Variants in UNC13B observed in about 807,000 individuals in gnomAD.
UNC13B encodes unc-13 homolog B, also known as protein unc-13 homolog B.
In UNC13B, 144 loss-of-function variants were observed where a neutral mutation model predicts 211.0. The ratio of observed to expected loss-of-function variants is 0.68; its 90% confidence interval spans 0.60 to 0.78. The LOEUF is 0.78. UNC13B is among the 30% of genes least tolerant of loss of function. The pLI is 0.00. For missense variants in UNC13B, 1,777 were observed against 2,002.0 expected (o/e 0.89, Z 2.14); for synonymous variants, 709 against 725.8 (o/e 0.98, Z 0.37).
chr9:35,178,885 C>CAAAA (rs35487632), intron 1 of UNC13B, among the ~76,000 whole-genome samples: 9 of 61,118 alleles, frequency 1.5e-4, no homozygotes, highest in African/African-American at 2.6e-4. Flanking sequence ...GAGACAGCCT[C>CAAAA]AAAAAAAAAA....
intron 17 of UNC13B, among the ~76,000 whole-genome samples, chr9:35,379,216 G>A (rs1331599505): frequency 6.6e-6 from 1 of 152,188 alleles, no homozygotes; most frequent in African/African-American, 2.4e-5. Flanking sequence ...GGGAGGCTGA[G>A]GCAGGCAGAT....
At chr9:35,191,982 T>G (rs1822685076) in intron 1 of UNC13B, among the ~76,000 whole-genome samples, 1 of 152,234 alleles carries the variant, frequency 6.6e-6, no homozygotes, top group Non-Finnish European at 1.5e-5. Flanking sequence ...TTTTCATTAA[T>G]TAAAACTTAA....
chr9:35,315,055 T>A (rs1927953), intron 11 of UNC13B, among the ~76,000 whole-genome samples: 32,713 of 116,846 alleles, frequency 0.28, 3,786 homozygotes, highest in East Asian at 0.39. Context: ...TTAAAAAAAA[T>A]TTTTTTTTTT....
At chr9:35,278,059 A>C (rs1828278623) in intron 7 of UNC13B, among the ~76,000 whole-genome samples, 1 of 152,184 alleles carries the variant, frequency 6.6e-6, no homozygotes, top group African/African-American at 2.4e-5. Context: ...CAGTAGTATA[A>C]ATGAAAAGAA....
intron 7 of UNC13B, among the ~76,000 whole-genome samples, chr9:35,280,593 G>T (rs1206982588): frequency 6.6e-6 from 1 of 152,150 alleles, no homozygotes; most frequent in Non-Finnish European, 1.5e-5. Flanking sequence ...GTAAGGGTGG[G>T]TGATGAGTTT....
intron 1 of UNC13B, among the ~76,000 whole-genome samples, chr9:35,226,067 C>T (rs556628384): frequency 2.0e-5 from 3 of 152,248 alleles, no homozygotes; most frequent in East Asian, 1.9e-4. Flanking sequence ...GAGAACTGTC[C>T]TGCATACTGT....
chr9:35,176,346 G>T (rs1458784371), intron 1 of UNC13B, among the ~76,000 whole-genome samples: 1 of 151,892 alleles, frequency 6.6e-6, no homozygotes. Flanking sequence ...TCAGGAGTTT[G>T]AGACCAGCCT....
intron 1 of UNC13B, among the ~76,000 whole-genome samples, chr9:35,207,612 G>C (rs1823738294): frequency 1.3e-5 from 2 of 151,898 alleles, no homozygotes; most frequent in Admixed American, 1.3e-4. Flanking sequence ...TGGGCTTACA[G>C]GTGTAAGCCA....
intron 2 of UNC13B, among the ~76,000 whole-genome samples, chr9:35,229,223 G>T (rs1490980606): frequency 6.6e-6 from 1 of 152,176 alleles, no homozygotes; most frequent in Non-Finnish European, 1.5e-5. Flanking sequence ...GGAGGGAGGG[G>T]AGCTGGAGGG....
intron 39 of UNC13B, 58 bp from the exon 40 acceptor site, chr9:35,403,690 G>T: frequency 1.2e-6 from 2 of 1,604,888 alleles, no homozygotes; most frequent in East Asian, 4.5e-5. Context: ...TGGCAGACTG[G>T]GGTGAAATCA....
chr9:35,265,914 C>G (rs1213094934), intron 7 of UNC13B, among the ~76,000 whole-genome samples: 1 of 152,204 alleles, frequency 6.6e-6, no homozygotes, highest in African/African-American at 2.4e-5. Context: ...CAACCTCCGT[C>G]TCCCTGGTTC....
chr9:35,246,149 C>T (rs1826085500), intron 6 of UNC13B, among the ~76,000 whole-genome samples: 1 of 151,456 alleles, frequency 6.6e-6, no homozygotes, highest in African/African-American at 2.4e-5. Context: ...TAAATGTCTT[C>T]TTTTGAGAAG....
chr9:35,361,122 T>C (rs1007232321), intron 11 of UNC13B: 3 of 152,200 alleles, frequency 2.0e-5, no homozygotes, highest in African/African-American at 7.2e-5. Context: ...ATAATGGAGT[T>C]AAGATTGTAT....
intron 7 of UNC13B, among the ~76,000 whole-genome samples, chr9:35,275,911 A>G (rs1384041717): frequency 6.6e-6 from 1 of 152,112 alleles, no homozygotes; most frequent in Non-Finnish European, 1.5e-5. Context: ...TAGAGTACCA[A>G]ATACTACAAT....
intron 1 of UNC13B, among the ~76,000 whole-genome samples, chr9:35,224,452 A>G (rs564132273): frequency 2.0e-5 from 3 of 152,282 alleles, no homozygotes; most frequent in African/African-American, 7.2e-5. Flanking sequence ...CTAGTTTATT[A>G]TTACTGATTT....
intron 11 of UNC13B, among the ~76,000 whole-genome samples, chr9:35,356,485 G>A (rs1833030750): frequency 6.6e-6 from 1 of 151,850 alleles, no homozygotes; most frequent in Non-Finnish European, 1.5e-5. Flanking sequence ...TTTGATCAGG[G>A]CCATTAGATG....
intron 3 of UNC13B, among the ~76,000 whole-genome samples, chr9:35,232,677 A>G (rs548866783): frequency 1.4e-4 from 21 of 152,278 alleles, no homozygotes; most frequent in African/African-American, 4.1e-4. Context: ...GTTATGGACA[A>G]TCTTATATTT....
In UNC13B at chr9:35,302,060, C is replaced by T. The variant is rs1406071734; in HGVS notation, c.2656C>T (p.Pro886Ser). 1 of 398,556 alleles carries T rather than the reference C, an allele frequency of 2.5e-6. No homozygotes were observed. Among genetic ancestry groups the T allele is most frequent in the African/African-American group, 2.1e-5 (1 of 48,598 alleles). 24.7% of individuals were successfully genotyped at this position (398,556 alleles called of 1,614,324 possible). ...QELKEKGSIFPLFKFSFTDSK... is the reference protein window; with the variant it reads ...QELKEKGSIFSLFKFSFTDSK... Reference sequence around the variant, plus strand: ...GTTAAAAGAGAAAGGAAGCATTTTTCCTTTGTTTAAATTTTCTTTCACTGA... The same window carrying T: ...GTTAAAAGAGAAAGGAAGCATTTTTTCTTTGTTTAAATTTTCTTTCACTGA... The change falls in exon 9 of 40, where the codon CCT (proline) becomes TCT (serine). Residue 886 changes from proline to serine, a missense_variant. Coordinates refer to ENST00000635942, the MANE Select transcript of UNC13B (RefSeq NM_001371189.2).
At chr9:35,375,695 T>C (rs1265785601) in intron 14 of UNC13B, among the ~76,000 whole-genome samples, 2 of 152,196 alleles carry the variant, frequency 1.3e-5, no homozygotes, top group South Asian at 4.1e-4. Flanking sequence ...CCAAAAGTCA[T>C]GGGGACCAGG....
Sources: allele counts gnomAD v4.1 joint callset (sites outside exome capture counted in the v4.1 genomes callset), GRCh38; gene constraint gnomAD v4.1.1; transcripts MANE v1.5; gene names NCBI Gene and HGNC (gene_info 2026-07-23, HGNC 2026-07-21).